CMIP: variants seen among roughly 807,000 people sequenced by gnomAD.
CMIP encodes the protein c-Maf inducing protein, also known as C-Maf-inducing protein.
In CMIP, 13 loss-of-function variants were observed where a neutral mutation model predicts 97.3. The ratio of observed to expected loss-of-function variants is 0.13; its 90% CI spans 0.09 to 0.21. The LOEUF is 0.21. CMIP is among the 10% of genes least tolerant of loss of function. The pLI is 1.00. For synonymous variants in CMIP, 538 were observed against 436.3 expected (o/e 1.23, Z -2.91); for missense variants, 847 against 1,024.9 (o/e 0.83, Z 2.37).
chr16:81,595,153 C>T (rs948209965), intron 1 of CMIP, among the ~76,000 whole-genome samples: 5 of 151,972 alleles, frequency 3.3e-5, no homozygotes, highest in South Asian at 2.1e-4. Context: ...CTGCTGGATT[C>T]ACCAGGTTGT....
At chr16:81,573,452 A>G (rs1471346859) in intron 1 of CMIP, among the ~76,000 whole-genome samples, 2 of 152,228 alleles carry the variant, frequency 1.3e-5, no homozygotes, top group African/African-American at 4.8e-5. Context: ...ATACCCTGCT[A>G]TTCCTCATTT....
intron 9 of CMIP, among the ~76,000 whole-genome samples, chr16:81,674,573 A>G (rs1187696968): frequency 1.3e-5 from 2 of 152,242 alleles, no homozygotes; most frequent in Non-Finnish European, 2.9e-5. Context: ...AGAAATTGGT[A>G]AACACTGCAG....
intron 20 of CMIP, 93 bp from the exon 21 acceptor site, chr16:81,709,653 A>AC: frequency 7.1e-7 from 1 of 1,405,830 alleles, no homozygotes; most frequent in Non-Finnish European, 9.9e-7. Flanking sequence ...GGTGGCAGAG[A>AC]CCCCCAGCCG....
intron 6 of CMIP, 135 bp from the exon 7 acceptor site, chr16:81,664,134 A>G (rs1221232831): frequency 1.5e-6 from 1 of 683,516 alleles, no homozygotes; most frequent in Non-Finnish European, 2.4e-6. Flanking sequence ...ATTTTTAGAA[A>G]GCAGTGCAGC....
At chr16:81,705,989 A>T (rs913884143) in intron 19 of CMIP, among the ~76,000 whole-genome samples, 2 of 152,194 alleles carry the variant, frequency 1.3e-5, no homozygotes, top group Non-Finnish European at 2.9e-5. Context: ...TACATTCCCA[A>T]GCCCACTCCA....
At chr16:81,657,614 C>G (rs1441988351) in intron 4 of CMIP, among the ~76,000 whole-genome samples, 161 bp from the exon 5 acceptor site, 1 of 152,150 alleles carries the variant, frequency 6.6e-6, no homozygotes, top group Non-Finnish European at 1.5e-5. Flanking sequence ...GACCTTGCCC[C>G]TGAGGGTGTT....
intron 1 of CMIP, among the ~76,000 whole-genome samples, chr16:81,591,819 T>C (rs917128315): frequency 4.1e-5 from 6 of 147,654 alleles, no homozygotes; most frequent in African/African-American, 1.3e-4. Flanking sequence ...GTTTTCTTTC[T>C]TTCTTTCTTT....
intron 9 of CMIP, among the ~76,000 whole-genome samples, chr16:81,672,508 A>C (rs537980100): frequency 6.6e-6 from 1 of 152,216 alleles, no homozygotes; most frequent in South Asian, 2.1e-4. Context: ...AAGGGTTGAC[A>C]GTAAGGTTTA....
chr16:81,645,726 G>A (rs1295185913), intron 3 of CMIP: 2 of 1,087,494 alleles, frequency 1.8e-6, no homozygotes, highest in Non-Finnish European at 2.7e-6. Flanking sequence ...CTTGGGCTCG[G>A]ATGTGGGGAG....
At chr16:81,559,554 A>G (rs773946682) in intron 1 of CMIP, among the ~76,000 whole-genome samples, 4 of 152,224 alleles carry the variant, frequency 2.6e-5, no homozygotes, top group African/African-American at 9.6e-5. Context: ...TAAGATCATA[A>G]TGGAGCTGAA....
At chr16:81,668,470 C>G (rs1218855847) in intron 7 of CMIP, among the ~76,000 whole-genome samples, 1 of 152,194 alleles carries the variant, frequency 6.6e-6, no homozygotes. Context: ...CCTGGCAGAG[C>G]TCTCTGTGCC....
chr16:81,477,094 T>C (rs1471379), intron 1 of CMIP, among the ~76,000 whole-genome samples: 99,740 of 151,812 alleles, frequency 0.66, 32,948 homozygotes, highest in East Asian at 0.79. Flanking sequence ...GCTTGAAAAA[T>C]GGCAGCTGGT....
At chr16:81,636,068 G>T (rs1318851018) in intron 3 of CMIP, among the ~76,000 whole-genome samples, 2 of 128,886 alleles carry the variant, frequency 1.6e-5, no homozygotes, top group African/African-American at 5.0e-5. Context: ...AATTGGGCTG[G>T]TTGTGTGTTT....
At chr16:81,545,856 G>A (rs918011050) in intron 1 of CMIP, among the ~76,000 whole-genome samples, 4 of 152,198 alleles carry the variant, frequency 2.6e-5, no homozygotes, top group Non-Finnish European at 5.9e-5. Flanking sequence ...GGTCTCGGCT[G>A]AATGAGCGAG....
intron 1 of CMIP, among the ~76,000 whole-genome samples, chr16:81,548,510 T>C (rs926459532): frequency 1.3e-5 from 2 of 151,964 alleles, no homozygotes; most frequent in African/African-American, 4.8e-5. Flanking sequence ...ACTCACTAGA[T>C]GCCCACAGCA....
chr16:81,499,321 C>T (rs903918514), intron 1 of CMIP, among the ~76,000 whole-genome samples: 2 of 152,198 alleles, frequency 1.3e-5, no homozygotes, highest in Non-Finnish European at 2.9e-5. Context: ...GGCACACATA[C>T]TTGTCTCTGC....
At position 81,710,495 on chromosome 16, in the gene CMIP, T is replaced by G. The variant is rs1002276957; in HGVS notation, c.*696T>G. 2 of 147,422 alleles carry G rather than the reference T, an allele frequency of 1.4e-5. No individual in the cohort carries two copies. The highest frequency in any genetic ancestry group is 2.0e-4 in the East Asian group (1 of 4,904). 9.1% of individuals were successfully genotyped at this position (147,422 alleles called of 1,614,324 possible). ...GTCAGCTGTCGGGTTAGTGGTAGTA[T>G]TATTGTTATTTTTTTAAAGGAAACA... On this transcript the variant is annotated 3_prime_UTR_variant, in exon 21 of 21. Coordinates refer to ENST00000537098, the MANE Select transcript of CMIP (RefSeq NM_198390.3).
At chr16:81,606,393 C>T (rs538998350) in intron 1 of CMIP, among the ~76,000 whole-genome samples, 5 of 152,322 alleles carry the variant, frequency 3.3e-5, no homozygotes, top group Middle Eastern at 3.4e-3. Context: ...AGCTGTGCTG[C>T]ACTCACCTGA....
chr16:81,669,834 C>T (rs2151038692), intron 7 of CMIP, among the ~76,000 whole-genome samples: 1 of 152,352 alleles, frequency 6.6e-6, no homozygotes, highest in African/African-American at 2.4e-5. Flanking sequence ...TCCCCCCAGC[C>T]TTTCTGGCTC....
Sources: gnomAD v4.1 joint callset for allele counts (sites outside exome capture counted in the v4.1 genomes callset) on GRCh38, gnomAD v4.1.1 for gene constraint, MANE v1.5 for transcripts, NCBI Gene and HGNC (gene_info 2026-07-23, HGNC 2026-07-21) for gene names.